Variants in ADAMTSL1 observed in about 807,000 individuals in gnomAD.
ADAMTSL1 encodes the protein ADAMTS-like protein 1.
ADAMTSL1 carries 126 observed loss-of-function variants against 201.8 expected under a neutral mutation model. That is an observed-to-expected ratio of 0.62 (90% CI 0.54 to 0.72). The LOEUF (loss-of-function observed/expected upper bound fraction) is 0.72, where lower values mean the gene tolerates loss of function less well. Ranked by LOEUF, ADAMTSL1 falls within the 30% of genes least tolerant of loss-of-function variation. ADAMTSL1 has a pLI of 0.00. For synonymous variants in ADAMTSL1, 1,121 were observed against 903.4 expected (o/e 1.24, Z -4.32); for missense variants, 2,679 against 2,277.8 (o/e 1.18, Z -3.59).
intron 2 of ADAMTSL1, among the ~76,000 whole-genome samples, chr9:18,165,600 C>T (rs1827594842): frequency 6.6e-6 from 1 of 151,718 alleles, no homozygotes; most frequent in Non-Finnish European, 1.5e-5. Context: ...GGCATTTTAC[C>T]TGTTTTACCT....
chr9:18,537,675 A>AGAC (rs1486538630), intron 3 of ADAMTSL1, among the ~76,000 whole-genome samples: 6 of 152,198 alleles, frequency 3.9e-5, no homozygotes, highest in African/African-American at 1.4e-4. Context: ...CAGGAGTTTG[A>AGAC]GACTAGCCTG....
At position 18,770,730 on chromosome 9, in the gene ADAMTSL1, A is replaced by G. The variant is rs372537918; in HGVS notation, c.2346A>G (p.Ala782=). Residue 782 remains alanine, a synonymous_variant, in exon 17 of 29, where the codon GCA becomes GCG. Transcript: ENST00000380548. ...CSASKPACQQ[A]CKKDDCPSEW... ...CTTCAAAACCTGCCTGCCAGCAAGC[A>G]TGCAAGAAAGATGACTGTCCCAGCG... The G allele has an allele frequency of 4.3e-6, 7 of 1,613,818 alleles. No individual in the cohort carries two copies. The African/African-American group carries it at 8.0e-5, about 18-fold the overall frequency.
At chr9:18,038,722 A>T (rs1821309499) in intron 1 of ADAMTSL1, among the ~76,000 whole-genome samples, 1 of 152,210 alleles carries the variant, frequency 6.6e-6, no homozygotes, top group Non-Finnish European at 1.5e-5. Context: ...TCTGTCTTCT[A>T]ACAACTTACC....
intron 13 of ADAMTSL1, among the ~76,000 whole-genome samples, chr9:18,692,317 C>T (rs541807384): frequency 2.6e-5 from 4 of 152,342 alleles, no homozygotes; most frequent in African/African-American, 9.6e-5. Flanking sequence ...TGCGCAGAAA[C>T]AGCAGAATCA....
intron 1 of ADAMTSL1, among the ~76,000 whole-genome samples, chr9:17,951,450 G>T (rs1207273592): frequency 6.6e-6 from 1 of 152,118 alleles, no homozygotes; most frequent in Non-Finnish European, 1.5e-5. Flanking sequence ...CTCTGCAGGG[G>T]AGTTTCTCCC....
intron 13 of ADAMTSL1, among the ~76,000 whole-genome samples, chr9:18,703,149 A>G (rs894250763): frequency 9.9e-5 from 15 of 152,186 alleles, no homozygotes; most frequent in African/African-American, 3.6e-4. Context: ...AAACAAAAAA[A>G]AATTTCCCTC....
chr9:18,086,665 G>C (rs1215383880), intron 1 of ADAMTSL1, among the ~76,000 whole-genome samples: 2 of 152,138 alleles, frequency 1.3e-5, no homozygotes, highest in African/African-American at 4.8e-5. Flanking sequence ...ATCGGTAACT[G>C]GGTTGCTTTG....
intron 2 of ADAMTSL1, among the ~76,000 whole-genome samples, chr9:18,465,189 C>G (rs902673596): frequency 6.6e-6 from 1 of 152,166 alleles, no homozygotes; most frequent in Non-Finnish European, 1.5e-5. Flanking sequence ...CAAGGCAGTT[C>G]TCCCAGAGGC....
intron 24 of ADAMTSL1, 48 bp from the exon 25 acceptor site, chr9:18,889,520 G>T: frequency 6.3e-7 from 1 of 1,591,800 alleles, no homozygotes; most frequent in Non-Finnish European, 8.6e-7. Context: ...TCAGAGTGTG[G>T]GCAATTATGC....
At chr9:18,079,017 G>C (rs1241385550) in intron 1 of ADAMTSL1, among the ~76,000 whole-genome samples, 1 of 152,154 alleles carries the variant, frequency 6.6e-6, no homozygotes, top group Non-Finnish European at 1.5e-5. Flanking sequence ...GTCAGAACCT[G>C]TATCTGTGGA....
chr9:18,079,175 A>G (rs563666473), intron 1 of ADAMTSL1, among the ~76,000 whole-genome samples: 1 of 152,124 alleles, frequency 6.6e-6, no homozygotes, highest in East Asian at 1.9e-4. Context: ...TTCTCACCCC[A>G]AAAATCCTTC....
intron 6 of ADAMTSL1, among the ~76,000 whole-genome samples, chr9:18,637,333 C>T (rs1385393221): frequency 1.3e-5 from 2 of 152,102 alleles, no homozygotes; most frequent in Admixed American, 6.6e-5. Context: ...ACTCTCCACT[C>T]AACTAACTCT....
intron 2 of ADAMTSL1, among the ~76,000 whole-genome samples, chr9:18,198,342 T>A: frequency 7.0e-6 from 1 of 143,332 alleles, no homozygotes; most frequent in African/African-American, 2.6e-5. Flanking sequence ...TGGGAGAAAA[T>A]TTTCGCAACC....
chr9:18,690,119 C>T (rs1831122973), intron 13 of ADAMTSL1, among the ~76,000 whole-genome samples: 1 of 152,268 alleles, frequency 6.6e-6, no homozygotes, highest in East Asian at 1.9e-4. Context: ...TCCTGTCATG[C>T]ATCTGTGAAC....
intron 1 of ADAMTSL1, among the ~76,000 whole-genome samples, chr9:18,476,727 C>G (rs963115415): frequency 1.3e-5 from 2 of 151,982 alleles, no homozygotes; most frequent in African/African-American, 2.4e-5. Context: ...TATTCTTGGA[C>G]TTATTTGGGG....
chr9:18,188,724 C>T (rs1828845980), intron 2 of ADAMTSL1, among the ~76,000 whole-genome samples: 1 of 152,142 alleles, frequency 6.6e-6, no homozygotes, highest in African/African-American at 2.4e-5. Context: ...CTCCTTGGTG[C>T]TTTCACTATA....
intron 1 of ADAMTSL1, among the ~76,000 whole-genome samples, chr9:18,051,376 G>A (rs753331511): frequency 2.0e-5 from 3 of 152,174 alleles, no homozygotes; most frequent in Non-Finnish European, 4.4e-5. Context: ...AAGGAAGCTG[G>A]TAGACTGTGT....
At chr9:18,132,591 C>T (rs1187167947) in intron 1 of ADAMTSL1, among the ~76,000 whole-genome samples, 1 of 152,186 alleles carries the variant, frequency 6.6e-6, no homozygotes, top group Non-Finnish European at 1.5e-5. Flanking sequence ...GCTCTTCATT[C>T]TATCACTTCC....
At chr9:18,425,578 A>G (rs972134886) in intron 2 of ADAMTSL1, among the ~76,000 whole-genome samples, 2 of 152,192 alleles carry the variant, frequency 1.3e-5, no homozygotes, top group Non-Finnish European at 2.9e-5. Flanking sequence ...CTCCAGGCAC[A>G]GCAGCTTGCA....
Sources: gnomAD v4.1 joint callset for allele counts (sites outside exome capture counted in the v4.1 genomes callset) on GRCh38, gnomAD v4.1.1 for gene constraint, MANE v1.5 for transcripts, NCBI Gene and HGNC (gene_info 2026-07-23, HGNC 2026-07-21) for gene names.